The following EDA variants were observed in gnomAD, a reference collection of about 807,000 sequenced individuals.
EDA encodes ectodysplasin A.
Under a neutral mutation model 23.6 loss-of-function variants are expected in EDA, and 2 were observed. That is an observed-to-expected ratio of 0.08 (90% CI 0.03 to 0.27). The LOEUF is 0.27. EDA is among the 10% of genes least tolerant of loss of function. EDA has a pLI of 1.00. For missense variants in EDA, 229 were observed against 324.2 expected, an observed-to-expected ratio of 0.71 and a Z score of 2.26; for synonymous variants, 131 against 132.0, an observed-to-expected ratio of 0.99 and a Z score of 0.05.
At chrX:69,980,183 G>A (rs912781005) in intron 2 of EDA, among the ~76,000 whole-genome samples, 8 of 111,228 alleles carry the variant, frequency 7.2e-5, no homozygotes, top group Non-Finnish European at 1.3e-4. Flanking sequence ...CTGAAAAATG[G>A]TATGGTCTAA....
At chrX:69,686,240 G>A (rs866980695) in intron 1 of EDA, among the ~76,000 whole-genome samples, 7 of 111,932 alleles carry the variant, frequency 6.3e-5, no homozygotes, top group African/African-American at 1.3e-4. Flanking sequence ...CAGGTAATCC[G>A]CCCACCTTGG....
chrX:69,775,762 G>T (rs1369829548), intron 1 of EDA, among the ~76,000 whole-genome samples: 1 of 111,805 alleles, frequency 8.9e-6, no homozygotes, highest in Non-Finnish European at 1.9e-5. Context: ...AGTTATAGAT[G>T]ATAGTTACAA....
chrX:69,712,058 G>T (rs2012074553), intron 1 of EDA, among the ~76,000 whole-genome samples: 6 of 110,448 alleles, frequency 5.4e-5, no homozygotes, highest in Admixed American at 4.9e-4. Flanking sequence ...GTTTGCTCTT[G>T]CTTCTCTAGT....
intron 1 of EDA, among the ~76,000 whole-genome samples, chrX:69,685,995 C>CTTTCT (rs752682516): frequency 2.0e-4 from 22 of 112,256 alleles, no homozygotes; most frequent in Admixed American, 6.6e-4. Context: ...AATGGCATGT[C>CTTTCT]TTTCTTTTCT....
At chrX:69,801,124 A>G (rs981566019) in intron 1 of EDA, among the ~76,000 whole-genome samples, 2 of 112,063 alleles carry the variant, frequency 1.8e-5, no homozygotes, top group African/African-American at 6.5e-5. Context: ...CATCAAGGCA[A>G]CACTTTTAAA....
At chrX:69,810,037 G>A (rs764554677) in intron 1 of EDA, among the ~76,000 whole-genome samples, 53 of 107,915 alleles carry the variant, frequency 4.9e-4, no homozygotes, top group Admixed American at 8.0e-4. Context: ...TGAGGTGGGC[G>A]GATCACGAGG....
intron 1 of EDA, among the ~76,000 whole-genome samples, chrX:69,917,515 C>G (rs747560065): frequency 9.0e-6 from 1 of 111,445 alleles, no homozygotes; most frequent in South Asian, 3.8e-4. Flanking sequence ...AAGCCCAACT[C>G]CTAGTGTTTG....
At chrX:69,789,743 C>CT (rs748949716) in intron 1 of EDA, among the ~76,000 whole-genome samples, 8 of 111,872 alleles carry the variant, frequency 7.2e-5, no homozygotes, top group African/African-American at 2.3e-4. Context: ...TATTCATTCT[C>CT]TTTTAACACT....
At chrX:69,686,574 C>T (rs1255140998) in intron 1 of EDA, among the ~76,000 whole-genome samples, 1 of 111,503 alleles carries the variant, frequency 9.0e-6, no homozygotes, top group Non-Finnish European at 1.9e-5. Context: ...TATAAGTAGT[C>T]ACTACCCATT....
chrX:70,018,097 C>G (rs2019977365), intron 2 of EDA, among the ~76,000 whole-genome samples: 1 of 111,426 alleles, frequency 9.0e-6, no homozygotes, highest in African/African-American at 3.3e-5. Context: ...CAGTCCCATT[C>G]ACAACAGCCC....
intron 1 of EDA, among the ~76,000 whole-genome samples, chrX:69,850,417 G>A (rs1213736208): frequency 1.8e-5 from 2 of 112,058 alleles, no homozygotes; most frequent in East Asian, 5.6e-4. Context: ...CTTATCCAGT[G>A]CAGAAAGATA....
chrX:69,877,681 A>G (rs1027041410), intron 1 of EDA, among the ~76,000 whole-genome samples: 2 of 112,003 alleles, frequency 1.8e-5, no homozygotes, highest in Non-Finnish European at 3.8e-5. Context: ...TTTGAAGTCC[A>G]ATTTATCAAG....
chrX:70,023,165 A>T (rs186080265), intron 2 of EDA, 53 bp from the exon 3 acceptor site: 2 of 869,633 alleles, frequency 2.3e-6, no homozygotes, highest in East Asian at 3.2e-5. Context: ...TAGAAAATAA[A>T]CATTTTCTGT....
At chrX:69,902,410 A>G (rs2018111531) in intron 1 of EDA, among the ~76,000 whole-genome samples, 1 of 111,249 alleles carries the variant, frequency 9.0e-6, no homozygotes, top group Non-Finnish European at 1.9e-5. Context: ...GAGTTTGACT[A>G]TTGATTCTTT....
At chrX:69,793,477 C>T (rs2804344) in intron 1 of EDA, among the ~76,000 whole-genome samples, 40,441 of 106,070 alleles carry the variant, frequency 0.38, 7,108 homozygotes, top group Middle Eastern at 0.65. Flanking sequence ...AGGTACTTTC[C>T]GTCTTTCTCT....
chrX:69,827,314 C>A (rs1198200986), intron 1 of EDA, among the ~76,000 whole-genome samples: 1 of 112,124 alleles, frequency 8.9e-6, no homozygotes, highest in Non-Finnish European at 1.9e-5. Flanking sequence ...TGGTTCCATT[C>A]TCCCCATCAC....
intron 1 of EDA, among the ~76,000 whole-genome samples, chrX:69,755,359 G>A (rs748464257): frequency 1.8e-5 from 2 of 111,592 alleles, no homozygotes; most frequent in Non-Finnish European, 3.8e-5. Context: ...GGTATCACCA[G>A]CAGAGGCTGC....
Position 69,987,298 on chromosome X carries a change from AAATT to A in EDA, c.502+30167_502+30170del, listed in dbSNP as rs1233952486. ...ATAAAAAAAAAAAAATTAAAAAAAAAAATTTTTTTTTTTAAAAATAAATAAATAA... is the reference window on the plus strand; with the variant it reads ...ATAAAAAAAAAAAAATTAAAAAAAAATTTTTTTTTAAAAATAAATAAATAA... On this transcript the variant is annotated intron_variant, in intron 2 of 7. Transcript: ENST00000374552. Among the ~76,000 whole-genome samples the A allele has an allele frequency of 1.5e-3, 162 of 104,649 alleles. 1 individual carries two copies. The East Asian group carries it at 0.031, about 20-fold the overall frequency. 90.9% of individuals were successfully genotyped at this position (104,649 alleles called of 115,157 possible). A position where few individuals can be genotyped will look rare whatever the true frequency, so the allele number is the denominator to read the frequency against.
At chrX:69,788,524 G>C (rs1054026922) in intron 1 of EDA, among the ~76,000 whole-genome samples, 3 of 111,889 alleles carry the variant, frequency 2.7e-5, no homozygotes, top group Non-Finnish European at 3.8e-5. Context: ...AGGACCCTCA[G>C]CTGCAGGTCT....
Sources: allele counts gnomAD v4.1 joint callset (sites outside exome capture counted in the v4.1 genomes callset), GRCh38; gene constraint gnomAD v4.1.1; transcripts MANE v1.5; gene names NCBI Gene and HGNC (gene_info 2026-07-23, HGNC 2026-07-21).